Variants in PTPRN2 observed in about 807,000 individuals in gnomAD.
PTPRN2 encodes receptor-type tyrosine-protein phosphatase N2.
Under a neutral mutation model 118.8 loss-of-function variants are expected in PTPRN2, and 74 were observed. The observed-to-expected ratio is 0.62, with a 90% CI of 0.52 to 0.76. PTPRN2 has a LOEUF of 0.76. PTPRN2 is among the 30% of genes least tolerant of loss of function. The pLI, the probability that PTPRN2 is intolerant of heterozygous loss-of-function variation, is 0.00. For missense variants in PTPRN2, 1,481 were observed against 1,394.4 expected, an observed-to-expected ratio of 1.06 and a Z score of -0.99; for synonymous variants, 641 against 608.0, an observed-to-expected ratio of 1.05 and a Z score of -0.80.
chr7:157,631,926 C>A (rs1413057585), intron 14 of PTPRN2, among the ~76,000 whole-genome samples: 1 of 151,964 alleles, frequency 6.6e-6, no homozygotes, highest in Non-Finnish European at 1.5e-5. Flanking sequence ...TAGAAAAACA[C>A]TGTAAGAGGA....
chr7:157,986,129 C>G lies in PTPRN2; in HGVS notation c.1724-87392G>C, dbSNP rs1278312928. Among the ~76,000 whole-genome samples the G allele has an allele frequency of 1.3e-5, 2 of 152,160 alleles. No homozygotes were observed. The highest frequency in any genetic ancestry group is 2.9e-5 in the Non-Finnish European group (2 of 68,034). On this transcript the variant is annotated intron_variant, in intron 11 of 22. Coordinates refer to ENST00000389418, the MANE Select transcript of PTPRN2 (RefSeq NM_002847.5). The surrounding 1 kb of genome is among the most constrained non-coding windows in gnomAD (Gnocchi z 4.5). The stretch of plus-strand genomic sequence containing the variant: ...CCATCTTCTCTGGTGCTCAGTGAGG[C>G]AATAGCATGAGATAGATACCCTCAT...
intron 2 of PTPRN2, among the ~76,000 whole-genome samples, chr7:158,460,958 A>G (rs1371070899): frequency 6.6e-6 from 1 of 152,232 alleles, no homozygotes; most frequent in Non-Finnish European, 1.5e-5. Context: ...TGATCCACAT[A>G]AAGTTGGTTA....
intron 13 of PTPRN2, among the ~76,000 whole-genome samples, chr7:157,668,433 C>T (rs770161567): frequency 6.6e-5 from 10 of 152,208 alleles, no homozygotes; most frequent in African/African-American, 9.7e-5. Flanking sequence ...CCCGAGTGTG[C>T]GCACAGAGAG....
intron 12 of PTPRN2, among the ~76,000 whole-genome samples, chr7:157,795,843 G>A (rs961033322): frequency 2.0e-5 from 3 of 152,200 alleles, no homozygotes; most frequent in African/African-American, 7.2e-5. Flanking sequence ...ACCAAGGGGT[G>A]CATGTCACAC....
chr7:158,173,299 A>T (rs187188976), intron 5 of PTPRN2, among the ~76,000 whole-genome samples: 17 of 152,318 alleles, frequency 1.1e-4, no homozygotes, highest in African/African-American at 4.1e-4. Flanking sequence ...AGTGTTGGCC[A>T]GTCTGAGAAA....
At chr7:158,415,102 TACAACCAGCTACTTCTCTGATG>T in intron 2 of PTPRN2, among the ~76,000 whole-genome samples, 2 of 150,604 alleles carry the variant, frequency 1.3e-5, no homozygotes, top group Non-Finnish European at 3.0e-5. Context: ...TCTCTGATGA[TACAACCAGCTACTTCTCTGATG>T]ATACAAACAG....
chr7:157,632,318 T>C lies in PTPRN2; in HGVS notation c.2197-10809A>G, dbSNP rs1804013094. On this transcript the variant is annotated intron_variant, in intron 14 of 22. Transcript: ENST00000389418. The surrounding 1 kb of genome is among the most constrained non-coding windows in gnomAD (Gnocchi z 4.3). ...CTGGTGCACCAACGCCTGGTGATCC[T>C]CGATTTCAGTTTATGACTTCCACTA... Among the ~76,000 whole-genome samples the C allele has an allele frequency of 6.6e-6, 1 of 152,220 alleles. No individual in the cohort carries two copies. Among genetic ancestry groups the C allele is most frequent in the South Asian group, 2.1e-4 (1 of 4,834 alleles).
intron 11 of PTPRN2, among the ~76,000 whole-genome samples, chr7:158,039,613 C>G (rs1039060656): frequency 6.6e-6 from 1 of 152,192 alleles, no homozygotes; most frequent in African/African-American, 2.4e-5. Flanking sequence ...AATTACAGCT[C>G]CAGCAAACAG....
intron 2 of PTPRN2, among the ~76,000 whole-genome samples, chr7:158,322,903 C>T (rs1387484227): frequency 6.6e-6 from 1 of 152,188 alleles, no homozygotes; most frequent in Non-Finnish European, 1.5e-5. Flanking sequence ...CAGCCCCAAC[C>T]AGGGGATGGT....
chr7:158,277,014 G>A (rs568954597), intron 3 of PTPRN2, among the ~76,000 whole-genome samples: 2 of 152,288 alleles, frequency 1.3e-5, no homozygotes, highest in East Asian at 3.9e-4. Flanking sequence ...GGGGGGCACT[G>A]ACTGGTCGGA....
At chr7:158,114,297 G>A (rs1473770224) in intron 9 of PTPRN2, among the ~76,000 whole-genome samples, 1 of 152,164 alleles carries the variant, frequency 6.6e-6, no homozygotes. Context: ...GAGTCAGGAG[G>A]CCACAGGTCA....
Position 158,113,007 on chromosome 7 carries a change from A to G in PTPRN2, c.1557-2092T>C, listed in dbSNP as rs570050188. Among the ~76,000 whole-genome samples the G allele has an allele frequency of 3.6e-3, 547 of 151,046 alleles. 8 individuals are homozygous for G. Among genetic ancestry groups the G allele is most frequent in the African/African-American group, 0.012 (500 of 41,122 alleles). ...TGCCCCCCAGCATTTAGGATCCCCCAGCATTGAGGGCCCCCCGGCATTTAG... is the reference window on the plus strand; with the variant it reads ...TGCCCCCCAGCATTTAGGATCCCCCGGCATTGAGGGCCCCCCGGCATTTAG... On this transcript the variant is annotated intron_variant, in intron 9 of 22. Transcript: ENST00000389418.
intron 14 of PTPRN2, among the ~76,000 whole-genome samples, chr7:157,643,599 C>A (rs962786883): frequency 4.6e-5 from 7 of 152,216 alleles, no homozygotes; most frequent in Non-Finnish European, 7.3e-5. Context: ...CCAGGGAAAT[C>A]CAGAACCAGT....
At chr7:157,871,208 G>T (rs1400536976) in intron 12 of PTPRN2, among the ~76,000 whole-genome samples, 1 of 152,150 alleles carries the variant, frequency 6.6e-6, no homozygotes, top group African/African-American at 2.4e-5. Flanking sequence ...TTCTCAAAGT[G>T]GGGTCCCCAG....
Position 158,130,995 on chromosome 7 carries a change from A to C in PTPRN2, c.1556+2682T>G, listed in dbSNP as rs368484369. On this transcript the variant is annotated intron_variant, in intron 9 of 22. Coordinates refer to ENST00000389418, the MANE Select transcript of PTPRN2 (RefSeq NM_002847.5). ...ATATACACAAACACACATATGCAGA[A>C]ATCGACACACTACCTGACATACTCA... Among the ~76,000 whole-genome samples the C allele has an allele frequency of 3.4e-3, 515 of 151,486 alleles. 3 individuals are homozygous for C. Among genetic ancestry groups the C allele is most frequent in the African/African-American group, 0.012 (488 of 41,220 alleles).
At chr7:158,428,191 C>T (rs1586652660) in intron 2 of PTPRN2, among the ~76,000 whole-genome samples, 1 of 152,196 alleles carries the variant, frequency 6.6e-6, no homozygotes, top group Non-Finnish European at 1.5e-5. Flanking sequence ...TGTAAGAGGG[C>T]AGGGGAGCTG....
At chr7:157,599,588 C>T (rs775384778) in intron 16 of PTPRN2, among the ~76,000 whole-genome samples, 9 of 152,360 alleles carry the variant, frequency 5.9e-5, no homozygotes, top group Non-Finnish European at 8.8e-5. Flanking sequence ...ATGAAGCACT[C>T]AGCATGTCAG....
At chr7:158,313,457 G>A (rs746606868) in intron 3 of PTPRN2, among the ~76,000 whole-genome samples, 1 of 152,216 alleles carries the variant, frequency 6.6e-6, no homozygotes, top group Non-Finnish European at 1.5e-5. Flanking sequence ...TGGGCAGAGG[G>A]CTCCAGCTGC....
intron 11 of PTPRN2, among the ~76,000 whole-genome samples, chr7:157,952,417 C>T (rs1396607211): frequency 1.0e-5 from 1 of 97,652 alleles, no homozygotes; most frequent in Non-Finnish European, 2.4e-5. Context: ...GGGTGGGGGA[C>T]ACGGGGGGAG....
Sources: allele counts gnomAD v4.1 joint callset (sites outside exome capture counted in the v4.1 genomes callset), GRCh38; gene constraint gnomAD v4.1.1; non-coding constraint Gnocchi (gnomAD v3.1); transcripts MANE v1.5; gene names NCBI Gene and HGNC (gene_info 2026-07-23, HGNC 2026-07-21).